The following RNF224 variants were observed in gnomAD, a reference collection of about 807,000 sequenced individuals.
RNF224 encodes ring finger protein 224.
RNF224 carries 1 observed loss-of-function variant against 2.9 expected under a neutral mutation model. The observed-to-expected ratio is 0.35, with a 90% confidence interval of 0.12 to 1.66. The LOEUF (loss-of-function observed/expected upper bound fraction) is 1.66. RNF224 is among the 40% of genes most tolerant of loss of function. RNF224 has a pLI of 0.35. For synonymous variants in RNF224, 116 were observed against 97.6 expected, an observed-to-expected ratio of 1.19 and a Z score of -1.11; for missense variants, 254 against 221.8, an observed-to-expected ratio of 1.15 and a Z score of -0.92.
intron 1 of RNF224, 95 bp downstream of exon 1, chr9:137,227,956 G>A (rs1836018087): frequency 4.4e-6 from 1 of 228,374 alleles, no homozygotes; most frequent in Non-Finnish European, 8.3e-6. Flanking sequence ...GAGGGGGAGG[G>A]TGGGGGAGGG....
chr9:137,227,952 G>A (rs1467792095), intron 1 of RNF224, 91 bp downstream of exon 1: 2 of 223,846 alleles, frequency 8.9e-6, no homozygotes, highest in Admixed American at 1.3e-4. Flanking sequence ...GGGGGAGGGG[G>A]AGGGTGGGGG....
chr9:137,228,613 C>G lies in RNF224; in HGVS notation c.7-9C>G. 2 of 1,437,678 alleles carry G rather than the reference C, an allele frequency of 1.4e-6. No homozygotes were observed. The highest frequency in any genetic ancestry group is 1.8e-6 in the Non-Finnish European group (2 of 1,097,852). 89.1% of individuals were successfully genotyped at this position (1,437,678 alleles called of 1,614,324 possible). ...GGCAGGCTGTCCACCGCTGGCTTCC[C>G]TCTGGCAGGATGCTGCAGCCGGAGG... On this transcript the variant is annotated splice_polypyrimidine_tract_variant and intron_variant, in intron 2 of 2. Transcript: ENST00000445101.
chr9:137,229,070 G>T lies in RNF224; in HGVS notation c.455G>T (p.Gly152Val). The change falls in exon 3 of 3, where the codon GGC (glycine) becomes GTC (valine). Residue 152 changes from glycine to valine, a missense_variant. Physicochemically the swap from Gly to Val is moderately radical, Grantham distance 109. Coordinates refer to ENST00000445101, the MANE Select transcript of RNF224 (RefSeq NM_001190228.2). ...GGCAGCCTCTGCTGCCCACCCCTAG[G>T]CAGCCCCGAGGTCTGAACTCTGGCC... The part of the protein sequence containing the change: ...GCGSLCCPPL[G>V]SPEV The T allele has an allele frequency of 5.2e-6, 8 of 1,528,612 alleles. No homozygotes were observed. The highest frequency in any genetic ancestry group is 6.1e-6 in the Non-Finnish European group (7 of 1,141,080). The allele number at this position is 1,528,612 out of a possible 1,614,324, so 94.7% of individuals were successfully genotyped here.
At chr9:137,228,420 C>A in intron 2 of RNF224, 79 bp downstream of exon 2, 1 of 1,338,334 alleles carries the variant, frequency 7.5e-7, no homozygotes, top group Non-Finnish European at 9.9e-7. Context: ...GAACAGGAGG[C>A]TGCCCGGCTG....
At chr9:137,228,588 G>C in intron 2 of RNF224, 34 bp from the exon 3 acceptor site, 1 of 1,410,122 alleles carries the variant, frequency 7.1e-7, no homozygotes. Context: ...AGGTCCTCGA[G>C]GCAGGCTGTC....
chr9:137,228,267 G>A lies in RNF224; in HGVS notation c.-69G>A, dbSNP rs1836027318. The A allele has an allele frequency of 1.0e-5, 15 of 1,502,926 alleles. No individual in the cohort carries two copies. The highest frequency in any genetic ancestry group is 1.3e-5 in the Non-Finnish European group (15 of 1,120,004). 93.1% of individuals were successfully genotyped at this position (1,502,926 alleles called of 1,614,324 possible). A position where few individuals can be genotyped will look rare whatever the true frequency, so the allele number is the denominator to read the frequency against. On this transcript the variant is annotated 5_prime_UTR_variant, in exon 2 of 3. Coordinates refer to ENST00000445101, the MANE Select transcript of RNF224 (RefSeq NM_001190228.2). Reference sequence around the variant, plus strand: ...TAATGCAACCCAGGAGGGAGCCGCAGGGCGCCCTGGGTCCCCCACTCCCTT... The same window carrying A: ...TAATGCAACCCAGGAGGGAGCCGCAAGGCGCCCTGGGTCCCCCACTCCCTT...
chr9:137,228,279 T>G lies in RNF224; in HGVS notation c.-57T>G. 1.3e-6 allele frequency: 2 copies of G among 1,522,528 alleles called. No individual in the cohort carries two copies. The highest frequency in any genetic ancestry group is 1.8e-6 in the Non-Finnish European group (2 of 1,138,622). The allele number at this position is 1,522,528 out of a possible 1,614,324, so 94.3% of individuals were successfully genotyped here. A position where few individuals can be genotyped will look rare whatever the true frequency, so the allele number is the denominator to read the frequency against. ...GGAGGGAGCCGCAGGGCGCCCTGGG[T>G]CCCCCACTCCCTTCTCCGGCCACCC... On this transcript the variant is annotated 5_prime_UTR_variant, in exon 2 of 3. Coordinates refer to ENST00000445101, the MANE Select transcript of RNF224 (RefSeq NM_001190228.2).
At position 137,228,898 on chromosome 9, in the gene RNF224, A is replaced by G; in HGVS notation, c.283A>G (p.Lys95Glu). The change falls in exon 3 of 3, where the codon AAG (lysine) becomes GAG (glutamate). Residue 95 changes from lysine (K) to glutamate (E), a missense_variant. Transcript: ENST00000445101. Reference protein sequence around the residue: ...DLDLAAFLAVKAEREPARLEP... With the variant: ...DLDLAAFLAVEAEREPARLEP... ...GGACCTGGCTGCTTTCCTGGCGGTC[A>G]AGGCTGAGCGGGAGCCGGCAAGACT... 1 of 1,535,712 alleles carries G rather than the reference A, an allele frequency of 6.5e-7. No individual in the cohort carries two copies. Among genetic ancestry groups the G allele is most frequent in the Non-Finnish European group, 8.7e-7 (1 of 1,146,800 alleles).
Position 137,228,856 on chromosome 9 carries a change from G to T in RNF224, c.241G>T (p.Val81Leu). Residue 81 changes from valine (V) to leucine (L), a missense_variant, in exon 3 of 3, where the codon GTG (valine) becomes TTG (leucine). Coordinates refer to ENST00000445101, the MANE Select transcript of RNF224 (RefSeq NM_001190228.2). ...RQSTPTPRGG[V>L]AMLDLDLAAF... ...GAGCACGCCCACGCCTCGCGGAGGG[G>T]TGGCCATGCTAGACCTGGACCTGGC... 2.0e-6 allele frequency: 3 copies of T among 1,535,724 alleles called. No individual in the cohort carries two copies. Among genetic ancestry groups the T allele is most frequent in the Non-Finnish European group, 2.6e-6 (3 of 1,146,808 alleles).
chr9:137,228,191 G>A lies in RNF224; in HGVS notation c.-145G>A, dbSNP rs780604071. 1.5e-5 allele frequency: 11 copies of A among 713,778 alleles called. No homozygotes were observed. The highest frequency in any genetic ancestry group is 9.2e-5 in the East Asian group (3 of 32,724). The allele number at this position is 713,778 out of a possible 1,614,324, so 44.2% of individuals were successfully genotyped here. A position where few individuals can be genotyped will look rare whatever the true frequency, so the allele number is the denominator to read the frequency against. On this transcript the variant is annotated 5_prime_UTR_variant, in exon 2 of 3. Coordinates refer to ENST00000445101, the MANE Select transcript of RNF224 (RefSeq NM_001190228.2). ...CTTTGTGGCTGAAACGGGAGCCCAC[G>A]CCCGCCACAGCTGGCCACCTGCCTC...
In RNF224 at chr9:137,227,703, G is replaced by T. The variant is rs1564411043; in HGVS notation, c.-343G>T. ...CTGGTGCGCCACCTGGAGTCCATGT[G>T]GACTGGTGCAGCCCTCTGCCGTCCA... On this transcript the variant is annotated 5_prime_UTR_variant, in exon 1 of 3. Coordinates refer to ENST00000445101, the MANE Select transcript of RNF224 (RefSeq NM_001190228.2). 6.6e-6 allele frequency: 1 copy of T among 152,058 alleles called. No individual in the cohort carries two copies. Among genetic ancestry groups the T allele is most frequent in the African/African-American group, 2.4e-5 (1 of 41,362 alleles). The allele number at this position is 152,058 out of a possible 1,614,324, so 9.4% of individuals were successfully genotyped here. A position where few individuals can be genotyped will look rare whatever the true frequency, so the allele number is the denominator to read the frequency against.
rs1424351621 is a variant in RNF224, at chr9:137,229,175, C to T, written c.*89C>T. 4.1e-5 allele frequency: 31 copies of T among 755,650 alleles called. No homozygotes were observed. Among genetic ancestry groups the T allele is most frequent in the Non-Finnish European group, 4.9e-5 (23 of 465,948 alleles). The allele number at this position is 755,650 out of a possible 1,614,324, so 46.8% of individuals were successfully genotyped here. ...CATGGGTTCAGCCCACTCAGAACAA[C>T]CTGGCAGTAGCATCCTATACGCAGC... On this transcript the variant is annotated 3_prime_UTR_variant, in exon 3 of 3. Coordinates refer to ENST00000445101, the MANE Select transcript of RNF224 (RefSeq NM_001190228.2).
chr9:137,228,838 C>G lies in RNF224; in HGVS notation c.223C>G (p.Pro75Ala). 1 of 1,535,634 alleles carries G rather than the reference C, an allele frequency of 6.5e-7. No individual in the cohort carries two copies. The highest frequency in any genetic ancestry group is 8.7e-7 in the Non-Finnish European group (1 of 1,146,768). ...CTGTCCGCAGTGCCGTCAGAGCACG[C>G]CCACGCCTCGCGGAGGGGTGGCCAT... ...IPCPQCRQST[P>A]TPRGGVAMLD... is the part of the protein sequence containing the mutation. Residue 75 changes from proline (P) to alanine (A), a missense_variant, in exon 3 of 3, where the codon CCC (proline) becomes GCC (alanine). Transcript: ENST00000445101.
chr9:137,228,296 CG>C lies in RNF224; in HGVS notation c.-38del. On this transcript the variant is annotated 5_prime_UTR_variant, in exon 2 of 3. An upstream open reading frame in the 5' UTR gains an earlier in-frame stop. Transcript: ENST00000445101. Reference sequence around the variant, plus strand: ...GCCCTGGGTCCCCCACTCCCTTCTCCGGCCACCCCGTGGCTGTGCATAGCTG... The same window carrying C: ...GCCCTGGGTCCCCCACTCCCTTCTCCGCCACCCCGTGGCTGTGCATAGCTG... The C allele has an allele frequency of 6.5e-7, 1 of 1,528,610 alleles. No homozygotes were observed. Among genetic ancestry groups the C allele is most frequent in the Non-Finnish European group, 8.7e-7 (1 of 1,143,524 alleles). The allele number at this position is 1,528,610 out of a possible 1,614,324, so 94.7% of individuals were successfully genotyped here. A position where few individuals can be genotyped will look rare whatever the true frequency, so the allele number is the denominator to read the frequency against.
chr9:137,229,432 G>A lies in RNF224; in HGVS notation c.*346G>A, dbSNP rs1836074513. 2 of 311,320 alleles carry A rather than the reference G, an allele frequency of 6.4e-6. No individual in the cohort carries two copies. Among genetic ancestry groups the A allele is most frequent in the South Asian group, 4.5e-5 (1 of 22,298 alleles). The allele number at this position is 311,320 out of a possible 1,614,324, so 19.3% of individuals were successfully genotyped here. On this transcript the variant is annotated 3_prime_UTR_variant, in exon 3 of 3. Transcript: ENST00000445101. ...GCAGCGCAAAGGATGGCTCCCAAGA[G>A]GATGCGAAGGCGTCCCGGGGGCCTG... is the stretch of plus-strand genomic sequence containing the variant.
Position 137,228,898 on chromosome 9 carries a change from A to C in RNF224, c.283A>C (p.Lys95Gln), listed in dbSNP as rs1344288819. Residue 95 changes from lysine to glutamine, a missense_variant, in exon 3 of 3, where the codon AAG becomes CAG. Transcript: ENST00000445101. ...DLDLAAFLAV[K>Q]AEREPARLEP... ...GGACCTGGCTGCTTTCCTGGCGGTC[A>C]AGGCTGAGCGGGAGCCGGCAAGACT... 6.5e-7 allele frequency: 1 copy of C among 1,535,712 alleles called. No individual in the cohort carries two copies. Among genetic ancestry groups the C allele is most frequent in the Non-Finnish European group, 8.7e-7 (1 of 1,146,800 alleles).
At position 137,229,001 on chromosome 9, in the gene RNF224, C is replaced by T. The variant is rs937453562; in HGVS notation, c.386C>T (p.Pro129Leu). Residue 129 changes from proline (P) to leucine (L), a missense_variant, in exon 3 of 3, where the codon CCC (proline) becomes CTC (leucine). By Grantham distance (98) the Pro-to-Leu change is moderately conservative (BLOSUM62 -3). Coordinates refer to ENST00000445101, the MANE Select transcript of RNF224 (RefSeq NM_001190228.2). ...GCTGGGCTGTGCCCTGCCCTGGGAC[C>T]CCAGCCCCACTTCCCCCAGCCCAGA... is the stretch of plus-strand genomic sequence containing the variant. ...QPAGLCPALG[P>L]QPHFPQPRYC... is the part of the protein sequence containing the mutation. 3 of 1,535,394 alleles carry T rather than the reference C, an allele frequency of 2.0e-6. No homozygotes were observed. Among genetic ancestry groups the T allele is most frequent in the Non-Finnish European group, 1.7e-6 (2 of 1,146,580 alleles).
In RNF224 at chr9:137,228,943, T is replaced by A; in HGVS notation, c.328T>A (p.Ser110Thr). 6.5e-7 allele frequency: 1 copy of A among 1,535,528 alleles called. No individual in the cohort carries two copies. The highest frequency in any genetic ancestry group is 1.2e-5 in the South Asian group (1 of 84,052). Reference sequence around the variant, plus strand: ...AAGACTAGAACCCCTGCCCCTCACCTCCCTCAAAGGCAGCGCCATCACTCG... The same window carrying A: ...AAGACTAGAACCCCTGCCCCTCACCACCCTCAAAGGCAGCGCCATCACTCG... ...PARLEPLPLT[S>T]LKGSAITRQP... The change falls in exon 3 of 3, where the codon TCC becomes ACC. Residue 110 changes from serine to threonine, a missense_variant. Transcript: ENST00000445101.
intron 2 of RNF224, 31 bp from the exon 3 acceptor site, chr9:137,228,591 A>T: frequency 5.7e-6 from 8 of 1,411,104 alleles, no homozygotes; most frequent in Non-Finnish European, 7.4e-6. Flanking sequence ...TCCTCGAGGC[A>T]GGCTGTCCAC....
Sources: gnomAD v4.1 joint callset for allele counts on GRCh38, gnomAD v4.1.1 for gene constraint, MANE v1.5 for transcripts, NCBI Gene and HGNC (gene_info 2026-07-23, HGNC 2026-07-21) for gene names.